EXD3: variants seen among roughly 807,000 people sequenced by gnomAD.
The protein encoded by EXD3 is exonuclease 3'-5' domain containing 3, also known as exonuclease mut-7 homolog.
Under a neutral mutation model 98.0 loss-of-function variants are expected in EXD3, and 92 were observed. The observed-to-expected ratio is 0.94, with a 90% CI of 0.79 to 1.12. EXD3 has a LOEUF of 1.12. Ranked by LOEUF, EXD3 falls within the 50% of genes most tolerant of loss-of-function variation. The pLI is 0.00. For missense variants in EXD3, 1,222 were observed against 1,191.6 expected (o/e 1.03, Z -0.38); for synonymous variants, 569 against 526.0 (o/e 1.08, Z -1.12).
rs1173579584 is a variant in EXD3, at chr9:137,395,675, G to C, written c.-47-271C>G. ...GGGGGTGGGAGGGGCCCTGGGGGGG[G>C]GCACAGTAGACAGACCCTCGCGGGA... On this transcript the variant is annotated intron_variant, in intron 1 of 21. Coordinates refer to ENST00000340951, the MANE Select transcript of EXD3 (RefSeq NM_017820.5). The surrounding 1 kb of genome is among the most constrained non-coding windows in gnomAD (Gnocchi z 6.5). Among the ~76,000 whole-genome samples the C allele has an allele frequency of 6.6e-6, 1 of 152,162 alleles. No homozygotes were observed. Among genetic ancestry groups the C allele is most frequent in the Admixed American group, 6.5e-5 (1 of 15,294 alleles).
chr9:137,375,149 T>C (rs139932518), intron 3 of EXD3, among the ~76,000 whole-genome samples: 4,058 of 152,178 alleles, frequency 0.027, 179 homozygotes, highest in African/African-American at 0.09. Flanking sequence ...GCTGGGACTA[T>C]AGGCGCGCGC....
intron 1 of EXD3, among the ~76,000 whole-genome samples, chr9:137,412,218 C>T (rs904714312): frequency 3.3e-5 from 5 of 152,306 alleles, no homozygotes; most frequent in Admixed American, 2.0e-4. Context: ...AGCTGTTGAT[C>T]CCAAAGGAGG....
At chr9:137,416,385 G>C (rs1838228510) in intron 1 of EXD3, among the ~76,000 whole-genome samples, 1 of 152,142 alleles carries the variant, frequency 6.6e-6, no homozygotes, top group Admixed American at 6.5e-5. Flanking sequence ...CCATCAGGCC[G>C]GGCACCCCCA....
intron 20 of EXD3, 99 bp from the exon 21 acceptor site, chr9:137,307,745 C>T (rs1831123990): frequency 3.0e-6 from 4 of 1,331,710 alleles, no homozygotes; most frequent in Non-Finnish European, 4.2e-6. Context: ...AGCACAGTCA[C>T]CTCATGGGGT....
At chr9:137,381,964 G>A (rs2131717129) in intron 3 of EXD3, among the ~76,000 whole-genome samples, 1 of 151,526 alleles carries the variant, frequency 6.6e-6, no homozygotes, top group Non-Finnish European at 1.5e-5. Context: ...GAGGGCGCAG[G>A]GAGGAGGTGG....
intron 7 of EXD3, among the ~76,000 whole-genome samples, chr9:137,356,639 C>T (rs1834805684): frequency 6.6e-6 from 1 of 152,190 alleles, no homozygotes; most frequent in Non-Finnish European, 1.5e-5. Flanking sequence ...ATTGACTTCT[C>T]CCCACGGAAG....
At chr9:137,346,238 CAAAA>C (rs563761495) in intron 17 of EXD3, among the ~76,000 whole-genome samples, 9 of 13,612 alleles carry the variant, frequency 6.6e-4, no homozygotes, top group Admixed American at 3.6e-3. Context: ...GACTCCGTCT[CAAAA>C]AAAAAAAAAA....
At chr9:137,309,767 T>C in intron 19 of EXD3, 67 bp from the exon 20 acceptor site, 2 of 1,223,784 alleles carry the variant, frequency 1.6e-6, no homozygotes, top group Non-Finnish European at 2.3e-6. Context: ...CCCAGCCCTC[T>C]GCTCGCTCCT....
rs1309443781 is a variant in EXD3, at chr9:137,385,191, C to T, written c.56-1814G>A. ...CCTGGGTGGCACAGGCCAGTGTTCC[C>T]GTCTGCGCTCAGAACCGTCCCACCA... On this transcript the variant is annotated intron_variant, in intron 2 of 21. Coordinates refer to ENST00000340951, the MANE Select transcript of EXD3 (RefSeq NM_017820.5). The surrounding 1 kb of genome is among the most constrained non-coding windows in gnomAD (Gnocchi z 4.4). Among the ~76,000 whole-genome samples the T allele has an allele frequency of 3.9e-5, 6 of 152,198 alleles. No homozygotes were observed. The highest frequency in any genetic ancestry group is 7.3e-5 in the Non-Finnish European group (5 of 68,044).
chr9:137,416,640 A>G (rs11516128), intron 1 of EXD3, among the ~76,000 whole-genome samples: 104,468 of 152,158 alleles, frequency 0.69, 36,076 homozygotes, highest in African/African-American at 0.72. Flanking sequence ...TCAGAGCATC[A>G]TCCTGCGCCA....
intron 1 of EXD3, among the ~76,000 whole-genome samples, chr9:137,413,264 G>C (rs2131829506): frequency 6.6e-6 from 1 of 152,006 alleles, no homozygotes; most frequent in South Asian, 2.1e-4. Flanking sequence ...GCAGTGGCGT[G>C]ATCTTGGCTC....
intron 17 of EXD3, among the ~76,000 whole-genome samples, chr9:137,340,988 G>A (rs974714298): frequency 5.9e-5 from 9 of 152,206 alleles, no homozygotes; most frequent in Admixed American, 1.3e-4. Flanking sequence ...GGGTGATAAC[G>A]TTAGAGGGAT....
At chr9:137,406,013 A>G (rs1328697436) in intron 1 of EXD3, among the ~76,000 whole-genome samples, 1 of 152,056 alleles carries the variant, frequency 6.6e-6, no homozygotes, top group Non-Finnish European at 1.5e-5. Context: ...TGAGCTCAGG[A>G]GTTTGAGACC....
Position 137,393,786 on chromosome 9 carries a change from A to G in EXD3, c.55+1517T>C, listed in dbSNP as rs1837064862. ...AGGGGCTGCCAGGCAGGGCATGTGTAGGGTGGAACTGGGCAAAGGCCAGGG... is the reference window on the plus strand; with the variant it reads ...AGGGGCTGCCAGGCAGGGCATGTGTGGGGTGGAACTGGGCAAAGGCCAGGG... On this transcript the variant is annotated intron_variant, in intron 2 of 21. Transcript: ENST00000340951. This position sits in a 1 kb window ranked among gnomAD's most constrained non-coding sequence, Gnocchi z 4.6. Among the ~76,000 whole-genome samples, 1 of 152,278 alleles carries G rather than the reference A, an allele frequency of 6.6e-6. No individual in the cohort carries two copies. Among genetic ancestry groups the G allele is most frequent in the Non-Finnish European group, 1.5e-5 (1 of 67,992 alleles).
intron 7 of EXD3, among the ~76,000 whole-genome samples, chr9:137,358,887 C>T (rs1326984160): frequency 1.3e-5 from 2 of 151,074 alleles, no homozygotes; most frequent in Non-Finnish European, 2.9e-5. Flanking sequence ...GGTTTTGTCA[C>T]GTTGCTCAGG....
At chr9:137,412,665 A>G (rs551964554) in intron 1 of EXD3, among the ~76,000 whole-genome samples, 2 of 152,184 alleles carry the variant, frequency 1.3e-5, no homozygotes, top group Non-Finnish European at 2.9e-5. Flanking sequence ...GGCCACGCAC[A>G]GCCGGGGCCC....
At chr9:137,398,410 T>A (rs907888395) in intron 1 of EXD3, among the ~76,000 whole-genome samples, 8 of 152,162 alleles carry the variant, frequency 5.3e-5, no homozygotes, top group African/African-American at 1.9e-4. Context: ...CACCTCCTAG[T>A]TCTAAGGGAG....
Position 137,348,126 on chromosome 9 carries a change from A to G in EXD3, c.1943T>C (p.Leu648Pro), listed in dbSNP as rs771233229. 2.7e-5 allele frequency: 44 copies of G among 1,612,218 alleles called. No homozygotes were observed. Among genetic ancestry groups the G allele is most frequent in the Non-Finnish European group, 3.4e-5 (40 of 1,179,720 alleles). Residue 648 changes from leucine to proline, a missense_variant, in exon 17 of 22, where the codon CTC (leucine) becomes CCC (proline). By Grantham distance (98) the Leu-to-Pro change is moderately conservative. Transcript: ENST00000340951. ...GCCCAGCATGCGTGCATCCACACCG[A>G]GACAGCGGAGGCTCCGTGCCAGCCC... ...LQGLARSLRC[L>P]GVDARMLGNG...
rs576328536 is a variant in EXD3 at position 137,307,679 on chromosome 9, T to G, written c.2279-33A>C. The G allele has an allele frequency of 3.7e-5, 60 of 1,606,042 alleles. No homozygotes were observed. The East Asian group carries it at 1.3e-3, about 35-fold the overall frequency. ...TCAAGGAAGAGAGCTGGTCCGGGAC[T>G]GTCCTAGGGATGGGGCTTGGCAGCC... is the stretch of plus-strand genomic sequence containing the variant. On this transcript the variant is annotated intron_variant, in intron 20 of 21. Transcript: ENST00000340951.
Sources: gnomAD v4.1 joint callset for allele counts (sites outside exome capture counted in the v4.1 genomes callset) on GRCh38, gnomAD v4.1.1 for gene constraint, Gnocchi (gnomAD v3.1) non-coding constraint, MANE v1.5 for transcripts, NCBI Gene and HGNC (gene_info 2026-07-23, HGNC 2026-07-21) for gene names.